ALK: variants seen among roughly 807,000 people sequenced by gnomAD.
The protein encoded by ALK is ALK receptor tyrosine kinase, also known as ALK tyrosine kinase receptor.
In ALK, 74 loss-of-function variants were observed where a neutral mutation model predicts 163.1. The observed-to-expected ratio is 0.45, with a 90% CI of 0.38 to 0.55. The LOEUF (loss-of-function observed/expected upper bound fraction) is 0.55. Ranked by LOEUF, ALK falls within the 20% of genes least tolerant of loss-of-function variation. The pLI is 0.00. For synonymous variants in ALK, 960 were observed against 843.2 expected (o/e 1.14, Z -2.40); for missense variants, 2,063 against 2,105.3 (o/e 0.98, Z 0.39).
At position 29,193,437 on chromosome 2, in the gene ALK, A is replaced by T. The variant is rs2148137634; in HGVS notation, c.4650T>A (p.Leu1550=). 1 of 1,614,158 alleles carries T rather than the reference A, an allele frequency of 6.2e-7. No homozygotes were observed. The highest frequency in any genetic ancestry group is 8.5e-7 in the Non-Finnish European group (1 of 1,180,026). The change falls in exon 29 of 29, where the codon CTT becomes CTA. Residue 1550 remains leucine (L), a synonymous_variant. Transcript: ENST00000389048. ...TVPPNVATGR[L]PGASLLLEPS... Reference sequence around the variant, plus strand: ...GCTCTAGGAGCAGTGAGGCCCCCGGAAGTCTCCCAGTTGCAACGTTAGGTG... The same window carrying T: ...GCTCTAGGAGCAGTGAGGCCCCCGGTAGTCTCCCAGTTGCAACGTTAGGTG...
At chr2:29,847,457 G>A (rs1398906405) in intron 1 of ALK, among the ~76,000 whole-genome samples, 3 of 152,154 alleles carry the variant, frequency 2.0e-5, no homozygotes, top group African/African-American at 4.8e-5. Flanking sequence ...CATACTTAAT[G>A]TTATAATTAC....
intron 11 of ALK, among the ~76,000 whole-genome samples, chr2:29,264,943 A>G (rs1049114033): frequency 6.6e-6 from 1 of 151,962 alleles, no homozygotes; most frequent in Non-Finnish European, 1.5e-5. Flanking sequence ...AACACACACA[A>G]TTGCGCACAC....
chr2:29,489,352 C>A (rs1671848639), intron 4 of ALK, among the ~76,000 whole-genome samples: 1 of 152,172 alleles, frequency 6.6e-6, no homozygotes, highest in Non-Finnish European at 1.5e-5. Context: ...GTTGCCCAGG[C>A]TGGAGTGCAG....
chr2:29,261,617 C>A (rs1573171411), intron 11 of ALK, among the ~76,000 whole-genome samples: 1 of 152,316 alleles, frequency 6.6e-6, no homozygotes, highest in East Asian at 1.9e-4. Context: ...CCTGCCGTTT[C>A]ATTATGCTCT....
intron 24 of ALK, among the ~76,000 whole-genome samples, chr2:29,213,101 A>G (rs1205260417): frequency 6.6e-6 from 1 of 152,262 alleles, no homozygotes; most frequent in African/African-American, 2.4e-5. Flanking sequence ...TTAATAAATT[A>G]TTGTGAGTTC....
chr2:29,542,560 G>C (rs1673441576), intron 3 of ALK, among the ~76,000 whole-genome samples: 1 of 152,164 alleles, frequency 6.6e-6, no homozygotes, highest in Non-Finnish European at 1.5e-5. Context: ...TTGCAGATTA[G>C]AAACTTTGCC....
At chr2:29,685,160 T>C (rs1299209608) in intron 3 of ALK, among the ~76,000 whole-genome samples, 3 of 152,194 alleles carry the variant, frequency 2.0e-5, no homozygotes, top group East Asian at 1.9e-4. Flanking sequence ...ACGGGGCTCA[T>C]TTATGAGCCA....
At chr2:29,267,242 G>A (rs2148209487) in intron 11 of ALK, among the ~76,000 whole-genome samples, 1 of 152,184 alleles carries the variant, frequency 6.6e-6, no homozygotes, top group Non-Finnish European at 1.5e-5. Flanking sequence ...CACCATATGA[G>A]TTTGGCAGTG....
At chr2:29,599,388 A>G (rs1418515861) in intron 3 of ALK, among the ~76,000 whole-genome samples, 2 of 152,368 alleles carry the variant, frequency 1.3e-5, no homozygotes, top group East Asian at 1.9e-4. Context: ...CTCTCACTTC[A>G]TAACATGTTT....
At chr2:29,413,047 C>T (rs1669769291) in intron 4 of ALK, among the ~76,000 whole-genome samples, 1 of 152,206 alleles carries the variant, frequency 6.6e-6, no homozygotes, top group Admixed American at 6.5e-5. Flanking sequence ...CACTGATTTC[C>T]ACCTTCGTAG....
intron 3 of ALK, among the ~76,000 whole-genome samples, chr2:29,599,770 C>T (rs1253610547): frequency 1.3e-5 from 2 of 152,176 alleles, no homozygotes; most frequent in Non-Finnish European, 2.9e-5. Flanking sequence ...AAAGAGACAT[C>T]TCATGAGACC....
chr2:29,767,671 C>T (rs141828355), intron 1 of ALK, among the ~76,000 whole-genome samples: 1,699 of 152,318 alleles, frequency 0.011, 16 homozygotes, highest in Middle Eastern at 0.051. Context: ...ATCAGTCACT[C>T]AGGCTCTCAA....
In ALK at chr2:29,717,630, G is replaced by A. The variant is rs752920768; in HGVS notation, c.735C>T (p.Leu245=). The change falls in exon 2 of 29, where the codon CTC becomes CTT. Residue 245 remains leucine, a synonymous_variant. Transcript: ENST00000389048. ...SPSPDYFTWN[L]TWIMKDSFPF... ...GGAAGGAGTCTTTCATTATCCAGGT[G>A]AGATTCCATGTAAAATAATCAGGAG... 18 of 1,613,954 alleles carry A rather than the reference G, an allele frequency of 1.1e-5. No homozygotes were observed. In the South Asian group the frequency reaches 1.4e-4, roughly 13 times the overall value.
At chr2:29,322,691 G>A (rs1053944346) in intron 6 of ALK, among the ~76,000 whole-genome samples, 3 of 152,188 alleles carry the variant, frequency 2.0e-5, no homozygotes, top group African/African-American at 7.2e-5. Context: ...GAAATTAGCC[G>A]GGTCTGGTGG....
chr2:29,566,520 A>G (rs1351623179), intron 3 of ALK, among the ~76,000 whole-genome samples: 3 of 152,218 alleles, frequency 2.0e-5, no homozygotes, highest in Admixed American at 2.0e-4. Flanking sequence ...CAAGGCAAGA[A>G]TGTGGGAGAA....
intron 11 of ALK, among the ~76,000 whole-genome samples, chr2:29,272,745 T>C (rs1665425988): frequency 6.6e-6 from 1 of 152,232 alleles, no homozygotes; most frequent in South Asian, 2.1e-4. Flanking sequence ...TGGGAGCTGA[T>C]TTGTTTACTG....
intron 3 of ALK, among the ~76,000 whole-genome samples, chr2:29,584,703 T>C (rs1157377729): frequency 6.6e-6 from 1 of 152,204 alleles, no homozygotes; most frequent in Non-Finnish European, 1.5e-5. Flanking sequence ...TAGCCCTGGA[T>C]TTTGCCAAGT....
intron 4 of ALK, 108 bp downstream of exon 4, chr2:29,531,807 A>G: frequency 8.5e-7 from 1 of 1,173,286 alleles, no homozygotes. Flanking sequence ...CCTACCGATT[A>G]AAGGACAATC....
At chr2:29,503,466 A>C (rs1030050292) in intron 4 of ALK, among the ~76,000 whole-genome samples, 3 of 152,246 alleles carry the variant, frequency 2.0e-5, no homozygotes, top group Non-Finnish European at 4.4e-5. Context: ...GGGAAATTAG[A>C]TCTCACAGAG....
Sources: allele counts gnomAD v4.1 joint callset (sites outside exome capture counted in the v4.1 genomes callset), GRCh38; gene constraint gnomAD v4.1.1; transcripts MANE v1.5; gene names NCBI Gene and HGNC (gene_info 2026-07-23, HGNC 2026-07-21).